MEIS2: variants seen among roughly 807,000 people sequenced by gnomAD.
The protein encoded by MEIS2 is Meis homeobox 2.
A neutral mutation model predicts 58.6 loss-of-function variants in MEIS2; 9 were observed. That is an observed-to-expected ratio of 0.15 (90% CI 0.09 to 0.27). The LOEUF is 0.27. Among genes scored for constraint, MEIS2 ranks in the 10% least tolerant of loss-of-function variants. The pLI is 1.00. For synonymous variants in MEIS2, 221 were observed against 228.4 expected (o/e 0.97, Z 0.29); for missense variants, 427 against 635.0 (o/e 0.67, Z 3.52).
At chr15:36,979,747 A>G (rs140127880) in intron 8 of MEIS2, among the ~76,000 whole-genome samples, 2,074 of 147,350 alleles carry the variant, frequency 0.014, 49 homozygotes, top group African/African-American at 0.047. Flanking sequence ...TTATATAAAT[A>G]TATATATAAC....
intron 8 of MEIS2, among the ~76,000 whole-genome samples, chr15:36,984,630 T>C (rs766257718): frequency 7.2e-5 from 11 of 152,340 alleles, no homozygotes; most frequent in Admixed American, 4.6e-4. Context: ...TGTTCCCTTC[T>C]CTTCCATTTT....
chr15:37,046,946 T>C (rs916211573), intron 7 of MEIS2, among the ~76,000 whole-genome samples: 1 of 152,122 alleles, frequency 6.6e-6, no homozygotes, highest in African/African-American at 2.4e-5. Flanking sequence ...AAGTCTCCCA[T>C]TGAATTCTCT....
At chr15:37,068,303 A>AGATTTC (rs1431352571) in intron 7 of MEIS2, among the ~76,000 whole-genome samples, 1 of 152,158 alleles carries the variant, frequency 6.6e-6, no homozygotes, top group Non-Finnish European at 1.5e-5. Flanking sequence ...TCAAGCCATG[A>AGATTTC]CTTTGTATCC....
intron 6 of MEIS2, among the ~76,000 whole-genome samples, chr15:37,086,837 T>C (rs961020061): frequency 5.3e-5 from 8 of 152,180 alleles, no homozygotes; most frequent in Non-Finnish European, 1.0e-4. Flanking sequence ...GATAATCTGG[T>C]CAACAAAAAA....
At chr15:36,926,426 T>A (rs867803429) in intron 9 of MEIS2, among the ~76,000 whole-genome samples, 2 of 152,328 alleles carry the variant, frequency 1.3e-5, no homozygotes, top group African/African-American at 2.4e-5. Context: ...CCCACACGAC[T>A]CTGGTGGTGA....
chr15:36,911,371 G>A (rs974957651), intron 9 of MEIS2, among the ~76,000 whole-genome samples: 9 of 151,900 alleles, frequency 5.9e-5, no homozygotes, highest in Non-Finnish European at 1.0e-4. Flanking sequence ...TCATTAATCA[G>A]AACTGTGACT....
intron 9 of MEIS2, among the ~76,000 whole-genome samples, chr15:36,934,618 T>G (rs1037084472): frequency 3.9e-5 from 6 of 152,214 alleles, no homozygotes; most frequent in African/African-American, 9.6e-5. Context: ...TGTACTGGCT[T>G]TGTGATGTTT....
At chr15:36,943,048 A>T (rs1187893437) in intron 9 of MEIS2, among the ~76,000 whole-genome samples, 2 of 152,092 alleles carry the variant, frequency 1.3e-5, no homozygotes, top group African/African-American at 2.4e-5. Flanking sequence ...ATGTTTTTTT[A>T]AAATACAATT....
chr15:37,073,016 G>A (rs1025350238), intron 7 of MEIS2, among the ~76,000 whole-genome samples: 1 of 152,028 alleles, frequency 6.6e-6, no homozygotes, highest in African/African-American at 2.4e-5. Context: ...CCAACTTGCT[G>A]AGGAAAGAGA....
intron 8 of MEIS2, among the ~76,000 whole-genome samples, chr15:36,969,753 C>A (rs2059471259): frequency 6.6e-6 from 1 of 152,138 alleles, no homozygotes; most frequent in South Asian, 2.1e-4. Flanking sequence ...AGTATGTTTG[C>A]ATTCTCAGTC....
chr15:36,913,742 A>T (rs2057149489), intron 9 of MEIS2, among the ~76,000 whole-genome samples: 1 of 152,098 alleles, frequency 6.6e-6, no homozygotes, highest in Non-Finnish European at 1.5e-5. Flanking sequence ...AGAAAAAAAA[A>T]AGCTTAAGGA....
chr15:36,959,989 C>T (rs1425529248), intron 8 of MEIS2, among the ~76,000 whole-genome samples: 3 of 151,840 alleles, frequency 2.0e-5, no homozygotes, highest in East Asian at 1.9e-4. Context: ...AGTGATTAGT[C>T]CATTACAACA....
chr15:37,054,410 GTGTTT>G (rs140035470), intron 7 of MEIS2, among the ~76,000 whole-genome samples: 3 of 152,026 alleles, frequency 2.0e-5, no homozygotes, highest in African/African-American at 4.8e-5. Context: ...GTTTTTAATT[GTGTTT>G]TGTTTTGTTT....
chr15:37,059,695 G>A (rs762659971), intron 7 of MEIS2, among the ~76,000 whole-genome samples: 4 of 151,778 alleles, frequency 2.6e-5, no homozygotes, highest in Non-Finnish European at 5.9e-5. Context: ...CCAGCACTTC[G>A]GAAGGCTGAG....
At position 37,099,487 on chromosome 15, in the gene MEIS2, T is replaced by G; in HGVS notation, c.-21A>C. 6.2e-7 allele frequency: 1 copy of G among 1,613,632 alleles called. No homozygotes were observed. Among genetic ancestry groups the G allele is most frequent in the Non-Finnish European group, 8.5e-7 (1 of 1,179,964 alleles). ...GCCATCAGTCTGCGCTCCAATAAACTCCTGGATGTGTCGTATATTTAATAT... is the reference window on the plus strand; with the variant it reads ...GCCATCAGTCTGCGCTCCAATAAACGCCTGGATGTGTCGTATATTTAATAT... On this transcript the variant is annotated 5_prime_UTR_variant, in exon 1 of 12. Transcript: ENST00000561208.
intron 6 of MEIS2, 148 bp from the exon 7 acceptor site, chr15:37,084,033 T>C: frequency 1.6e-6 from 1 of 622,642 alleles, no homozygotes; most frequent in Non-Finnish European, 2.8e-6. Flanking sequence ...TGTTATGGTG[T>C]GCTGTCTTTT....
chr15:37,010,598 C>G (rs1040195137), intron 8 of MEIS2, among the ~76,000 whole-genome samples: 1 of 152,120 alleles, frequency 6.6e-6, no homozygotes, highest in Non-Finnish European at 1.5e-5. Context: ...GGCTGGCCCT[C>G]GAACTCCTGG....
chr15:37,095,803 C>T (rs1302119494), intron 3 of MEIS2, 189 bp from the exon 4 acceptor site: 7 of 783,608 alleles, frequency 8.9e-6, no homozygotes, highest in Non-Finnish European at 1.4e-5. Context: ...TGGTCCTGGC[C>T]CCATTAAGGG....
intron 8 of MEIS2, among the ~76,000 whole-genome samples, chr15:37,011,947 G>A (rs1034380897): frequency 6.6e-6 from 1 of 152,008 alleles, no homozygotes; most frequent in African/African-American, 2.4e-5. Flanking sequence ...ATCCCTATGT[G>A]AATAAAGATA....
Sources: gnomAD v4.1 joint callset for allele counts (sites outside exome capture counted in the v4.1 genomes callset) on GRCh38, gnomAD v4.1.1 for gene constraint, MANE v1.5 for transcripts, NCBI Gene and HGNC (gene_info 2026-07-23, HGNC 2026-07-21) for gene names.